The following SEC24B variants were observed in gnomAD, a reference collection of about 807,000 sequenced individuals.
The protein encoded by SEC24B is protein transport protein Sec24B.
A neutral mutation model predicts 142.8 loss-of-function variants in SEC24B; 45 were observed. The ratio of observed to expected loss-of-function variants is 0.32; its 90% CI spans 0.25 to 0.40. The LOEUF (loss-of-function observed/expected upper bound fraction) is 0.40. SEC24B is among the 10% of genes least tolerant of loss of function. The pLI, the probability that SEC24B is intolerant of heterozygous loss-of-function variation, is 1.00. For missense variants in SEC24B, 1,409 were observed against 1,526.8 expected, an observed-to-expected ratio of 0.92 and a Z score of 1.29; for synonymous variants, 574 against 568.2, an observed-to-expected ratio of 1.01 and a Z score of -0.15.
intron 1 of SEC24B, among the ~76,000 whole-genome samples, chr4:109,455,770 C>T (rs61004219): frequency 0.17 from 26,593 of 151,994 alleles, 2,634 homozygotes; most frequent in African/African-American, 0.27. Flanking sequence ...CAATACCACA[C>T]TTCTTAAATT....
Position 109,516,641 on chromosome 4 carries a change from G to GTATGAAT in SEC24B, c.2126+3_2126+4insTGAATTA. The stretch of plus-strand genomic sequence containing the variant: ...AGTCACTCCTAGAAAATCTAGACAA[G>GTATGAAT]TAAGAATATTTTTAATTCATACTAT... On this transcript the variant is annotated splice_donor_variant, in intron 11 of 23. Transcript: ENST00000265175. LOFTEE classifies it high-confidence loss of function. 6.5e-7 allele frequency: 1 copy of GTATGAAT among 1,531,192 alleles called. No homozygotes were observed. The highest frequency in any genetic ancestry group is 9.0e-7 in the Non-Finnish European group (1 of 1,107,772). 94.9% of individuals were successfully genotyped at this position (1,531,192 alleles called of 1,614,324 possible).
rs754778746 is a variant in SEC24B, at chr4:109,510,024, T to G, written c.1689T>G (p.Thr563=). 1 of 1,604,208 alleles carries G rather than the reference T, an allele frequency of 6.2e-7. No individual in the cohort carries two copies. The highest frequency in any genetic ancestry group is 1.1e-5 in the South Asian group (1 of 88,370). The part of the protein sequence containing the change: ...LNCSPDSFRC[T]LTNIPQTQAL... ...TTTTTTGCAGTTCATTTCGGTGTAC[T>G]TTGACAAATATTCCACAGACACAGG... The change falls in exon 8 of 24, where the codon ACT becomes ACG. Residue 563 remains threonine, a synonymous_variant. Transcript: ENST00000265175.
At chr4:109,460,746 G>A (rs957433814) in intron 1 of SEC24B, among the ~76,000 whole-genome samples, 11 of 150,816 alleles carry the variant, frequency 7.3e-5, no homozygotes, top group African/African-American at 2.4e-4. Context: ...ACAGTGAATG[G>A]CATATAATGT....
At chr4:109,472,059 A>T (rs1333792383) in intron 2 of SEC24B, among the ~76,000 whole-genome samples, 2 of 152,186 alleles carry the variant, frequency 1.3e-5, no homozygotes, top group East Asian at 1.9e-4. Flanking sequence ...CCCATTCCTC[A>T]TATGTGCTTA....
intron 10 of SEC24B, among the ~76,000 whole-genome samples, chr4:109,514,606 G>A (rs746159258): frequency 2.6e-5 from 4 of 152,174 alleles, no homozygotes; most frequent in Non-Finnish European, 5.9e-5. Context: ...GGCTGAGGCC[G>A]AGAATTGCTT....
intron 2 of SEC24B, among the ~76,000 whole-genome samples, chr4:109,466,304 A>G (rs989902696): frequency 9.8e-5 from 15 of 152,346 alleles, no homozygotes; most frequent in African/African-American, 3.6e-4. Context: ...GTAAGGGAAT[A>G]CTGAGTTTAA....
chr4:109,505,939 C>G (rs1736602203), intron 6 of SEC24B, among the ~76,000 whole-genome samples: 1 of 152,058 alleles, frequency 6.6e-6, no homozygotes, highest in African/African-American at 2.4e-5. Flanking sequence ...CAAAATAAGG[C>G]AAAACCTATT....
chr4:109,487,181 AAAAG>A (rs1561123823), intron 4 of SEC24B, among the ~76,000 whole-genome samples: 2 of 151,812 alleles, frequency 1.3e-5, no homozygotes, highest in Non-Finnish European at 2.9e-5. Context: ...AAAAAAAAAA[AAAAG>A]AAAAGTGTAT....
intron 3 of SEC24B, among the ~76,000 whole-genome samples, chr4:109,479,205 A>C (rs1733476451): frequency 6.6e-6 from 1 of 152,180 alleles, no homozygotes. Context: ...ATCATGTTAG[A>C]TTCTATAAAG....
At chr4:109,488,351 A>C (rs768852570) in intron 4 of SEC24B, among the ~76,000 whole-genome samples, 5 of 152,172 alleles carry the variant, frequency 3.3e-5, no homozygotes, top group Non-Finnish European at 5.9e-5. Context: ...AACATTTTAT[A>C]TGTAGAGATC....
chr4:109,525,562 A>C, intron 16 of SEC24B, 58 bp downstream of exon 16: 1 of 1,197,628 alleles, frequency 8.3e-7, no homozygotes, highest in Non-Finnish European at 1.2e-6. Flanking sequence ...GTCAGTGAGC[A>C]TTCCATGTAT....
intron 1 of SEC24B, among the ~76,000 whole-genome samples, chr4:109,457,500 C>T (rs1415831678): frequency 6.6e-6 from 1 of 152,198 alleles, no homozygotes; most frequent in Non-Finnish European, 1.5e-5. Flanking sequence ...AAGGTGAGGG[C>T]AGAGAAAAGG....
chr4:109,496,150 C>T (rs1049493901), intron 6 of SEC24B, among the ~76,000 whole-genome samples: 1 of 150,984 alleles, frequency 6.6e-6, no homozygotes, highest in Non-Finnish European at 1.5e-5. Flanking sequence ...TCTCACTCTA[C>T]TGCCTAGGCT....
At chr4:109,471,986 A>G (rs1732571411) in intron 2 of SEC24B, among the ~76,000 whole-genome samples, 1 of 152,222 alleles carries the variant, frequency 6.6e-6, no homozygotes, top group Non-Finnish European at 1.5e-5. Flanking sequence ...ATCTTCCACA[A>G]TGATAGTTTG....
chr4:109,467,535 T>C (rs1171573754), intron 2 of SEC24B, among the ~76,000 whole-genome samples: 1 of 152,104 alleles, frequency 6.6e-6, no homozygotes, highest in East Asian at 1.9e-4. Flanking sequence ...GTACAGAAGC[T>C]CTTTTTTAGT....
chr4:109,439,857 A>T (rs1728773504), intron 1 of SEC24B, among the ~76,000 whole-genome samples: 1 of 151,168 alleles, frequency 6.6e-6, no homozygotes, highest in South Asian at 2.1e-4. Context: ...ATGGTGGCTT[A>T]CGCCTGTAAT....
chr4:109,446,757 GTTC>G (rs1228272724), intron 1 of SEC24B, among the ~76,000 whole-genome samples: 3 of 152,290 alleles, frequency 2.0e-5, no homozygotes, highest in African/African-American at 7.2e-5. Context: ...AAAGTTTCAT[GTTC>G]TTTGTGTTTA....
chr4:109,520,683 G>A (rs1399647214), intron 12 of SEC24B, among the ~76,000 whole-genome samples, 199 bp downstream of exon 12: 2 of 152,134 alleles, frequency 1.3e-5, no homozygotes, highest in Non-Finnish European at 2.9e-5. Context: ...AATATATACA[G>A]AGTGTGTATA....
intron 1 of SEC24B, among the ~76,000 whole-genome samples, chr4:109,435,023 C>T (rs186005931): frequency 6.6e-6 from 1 of 152,196 alleles, no homozygotes; most frequent in African/African-American, 2.4e-5. Context: ...AGAAAAATAC[C>T]TCTGTCCTGT....
Sources: allele counts gnomAD v4.1 joint callset (sites outside exome capture counted in the v4.1 genomes callset), GRCh38; gene constraint gnomAD v4.1.1; transcripts MANE v1.5; gene names NCBI Gene and HGNC (gene_info 2026-07-23, HGNC 2026-07-21).